DNAJC10: variants seen among roughly 807,000 people sequenced by gnomAD.
DNAJC10 encodes the protein DnaJ heat shock protein family (Hsp40) member C10, also known as endoplasmic reticulum disulfide reductase DNAJC10.
In DNAJC10, 101 loss-of-function variants were observed where a neutral mutation model predicts 115.0. The observed-to-expected ratio is 0.88, with a 90% CI of 0.75 to 1.04. DNAJC10 has a LOEUF of 1.04. DNAJC10 is among the 50% of genes least tolerant of loss of function. The probability of loss-of-function intolerance (pLI) is 0.00; values close to 1 mark genes in which losing one functional copy is unlikely to be tolerated. For synonymous variants in DNAJC10, 307 were observed against 301.5 expected (o/e 1.02, Z -0.19); for missense variants, 981 against 928.8 (o/e 1.06, Z -0.73).
chr2:182,762,807 T>C lies in DNAJC10; in HGVS notation c.2265+6T>C. On this transcript the variant is annotated splice_donor_region_variant and intron_variant, in intron 22 of 23. Coordinates refer to ENST00000264065, the MANE Select transcript of DNAJC10 (RefSeq NM_018981.4). Reference sequence around the variant, plus strand: ...ATTTCTACGAAAGAGCAAAGGTATGTCCAGACTTTCCTCTGTTCCTTCCCT... The same window carrying C: ...ATTTCTACGAAAGAGCAAAGGTATGCCCAGACTTTCCTCTGTTCCTTCCCT... 2 of 1,610,554 alleles carry C rather than the reference T, an allele frequency of 1.2e-6. No homozygotes were observed. Among genetic ancestry groups the C allele is most frequent in the Non-Finnish European group, 1.7e-6 (2 of 1,177,714 alleles).
chr2:182,718,316 T>C, intron 3 of DNAJC10, 26 bp downstream of exon 3: 1 of 1,518,740 alleles, frequency 6.6e-7, no homozygotes, highest in Non-Finnish European at 8.9e-7. Flanking sequence ...TTTTTAAAAA[T>C]ATTTGATTAT....
At chr2:182,747,368 G>C (rs921826750) in intron 14 of DNAJC10, among the ~76,000 whole-genome samples, 3 of 152,048 alleles carry the variant, frequency 2.0e-5, no homozygotes, top group African/African-American at 4.8e-5. Context: ...CATGAGCATG[G>C]AATGTTCTTC....
chr2:182,792,376 AT>A lies in DNAJC10; in HGVS notation c.*15245del, dbSNP rs1695067772. The A allele has an allele frequency of 6.6e-6, 1 of 152,140 alleles. No individual in the cohort carries two copies. Among genetic ancestry groups the A allele is most frequent in the Non-Finnish European group, 1.5e-5 (1 of 68,016 alleles). 9.4% of individuals were successfully genotyped at this position (152,140 alleles called of 1,614,324 possible). A position where few individuals can be genotyped will look rare whatever the true frequency, so the allele number is the denominator to read the frequency against. On this transcript the variant is annotated 3_prime_UTR_variant, in exon 24 of 24. Transcript: ENST00000264065. ...TGAGGTACAAAAAATAATGAAGAGG[AT>A]ATATTCCAATTTCTTTCCTTCCCCA...
chr2:182,771,119 C>T (rs976416955), intron 22 of DNAJC10, among the ~76,000 whole-genome samples: 68 of 151,980 alleles, frequency 4.5e-4, no homozygotes, highest in Non-Finnish European at 1.6e-4. Context: ...TATTGATTTG[C>T]ATATGTTGAA....
In DNAJC10 at chr2:182,786,262, A is replaced by C. The variant is rs1162423719; in HGVS notation, c.*9130A>C. Reference sequence around the variant, plus strand: ...AGAGGTAGAAAAGTTACAGGATAAAAATGGAATTGGTTGGCACTAAGTAGG... The same window carrying C: ...AGAGGTAGAAAAGTTACAGGATAAACATGGAATTGGTTGGCACTAAGTAGG... On this transcript the variant is annotated 3_prime_UTR_variant, in exon 24 of 24. Transcript: ENST00000264065. 1 of 152,194 alleles carries C rather than the reference A, an allele frequency of 6.6e-6. No homozygotes were observed. Among genetic ancestry groups the C allele is most frequent in the African/African-American group, 2.4e-5 (1 of 41,456 alleles). The allele number at this position is 152,194 out of a possible 1,614,324, so 9.4% of individuals were successfully genotyped here. A position where few individuals can be genotyped will look rare whatever the true frequency, so the allele number is the denominator to read the frequency against.
chr2:182,728,465 G>T, intron 5 of DNAJC10, 111 bp from the exon 6 acceptor site: 1 of 625,482 alleles, frequency 1.6e-6, no homozygotes, highest in South Asian at 2.6e-5. Context: ...AAGACAATAT[G>T]AAAATTGCAT....
chr2:182,770,096 G>A (rs898154960), intron 22 of DNAJC10, among the ~76,000 whole-genome samples: 1 of 152,084 alleles, frequency 6.6e-6, no homozygotes, highest in African/African-American at 2.4e-5. Flanking sequence ...GCTTGTTTTT[G>A]TCAGGTTTGT....
rs1382138064 is a variant in DNAJC10 at position 182,778,418 on chromosome 2, A to G, written c.*1286A>G. The G allele has an allele frequency of 6.6e-6, 1 of 152,202 alleles. No individual in the cohort carries two copies. The highest frequency in any genetic ancestry group is 1.9e-4 in the East Asian group (1 of 5,208). The allele number at this position is 152,202 out of a possible 1,614,324, so 9.4% of individuals were successfully genotyped here. Reference sequence around the variant, plus strand: ...AATCACAAATTTGTCAGTAACATGTAGTTGTTTAGTTATAATTCAGAGTGT... The same window carrying G: ...AATCACAAATTTGTCAGTAACATGTGGTTGTTTAGTTATAATTCAGAGTGT... On this transcript the variant is annotated 3_prime_UTR_variant, in exon 24 of 24. Transcript: ENST00000264065.
At chr2:182,730,618 T>C in intron 8 of DNAJC10, 2 of 438,758 alleles carry the variant, frequency 4.6e-6, no homozygotes, top group Non-Finnish European at 9.0e-6. Flanking sequence ...AGAAGTCATA[T>C]CCAATCTGTC....
At position 182,757,677 on chromosome 2, in the gene DNAJC10, T is replaced by G; in HGVS notation, c.1810-15T>G. The G allele has an allele frequency of 6.7e-7, 1 of 1,496,950 alleles. No individual in the cohort carries two copies. Among genetic ancestry groups the G allele is most frequent in the Non-Finnish European group, 8.9e-7 (1 of 1,123,670 alleles). 92.7% of individuals were successfully genotyped at this position (1,496,950 alleles called of 1,614,324 possible). On this transcript the variant is annotated splice_polypyrimidine_tract_variant and intron_variant, in intron 18 of 23. Transcript: ENST00000264065. ...TGTAAAAAGTTATGGAGGTAATCTG[T>G]TTTTTCTTTTACAGACATTAACTGG...
At chr2:182,762,346 G>A (rs1165286900) in intron 21 of DNAJC10, among the ~76,000 whole-genome samples, 3 of 152,022 alleles carry the variant, frequency 2.0e-5, no homozygotes, top group Non-Finnish European at 2.9e-5. Context: ...TCCTACCACA[G>A]CACACCCCCA....
At chr2:182,733,094 G>A (rs1342495390) in intron 10 of DNAJC10, among the ~76,000 whole-genome samples, 2 of 151,932 alleles carry the variant, frequency 1.3e-5, no homozygotes, top group Non-Finnish European at 2.9e-5. Context: ...TATTAATCAT[G>A]TTATTTGTTT....
At chr2:182,720,370 A>G (rs1029503191) in intron 4 of DNAJC10, among the ~76,000 whole-genome samples, 3 of 152,180 alleles carry the variant, frequency 2.0e-5, no homozygotes, top group African/African-American at 4.8e-5. Flanking sequence ...TATTGGTTAA[A>G]TCTTGTTAAA....
intron 11 of DNAJC10, chr2:182,739,449 A>G (rs1268770841): frequency 2.3e-6 from 2 of 885,530 alleles, no homozygotes; most frequent in East Asian, 8.7e-5. Flanking sequence ...TTAAACATAG[A>G]TGGTTCATAA....
At chr2:182,748,480 C>T (rs373021740) in intron 14 of DNAJC10, among the ~76,000 whole-genome samples, 2 of 152,238 alleles carry the variant, frequency 1.3e-5, no homozygotes, top group Admixed American at 6.5e-5. Flanking sequence ...AGTCGAGGAA[C>T]TTATCCATTT....
rs1329251365 is a variant in DNAJC10 at position 182,779,627 on chromosome 2, T to C, written c.*2495T>C. ...CATTAATGATGTTTGTCTATTCTGA[T>C]TTCTCAAATTTTATTTAGGTCTTTC... On this transcript the variant is annotated 3_prime_UTR_variant, in exon 24 of 24. Coordinates refer to ENST00000264065, the MANE Select transcript of DNAJC10 (RefSeq NM_018981.4). 1 of 152,208 alleles carries C rather than the reference T, an allele frequency of 6.6e-6. No homozygotes were observed. The highest frequency in any genetic ancestry group is 1.5e-5 in the Non-Finnish European group (1 of 68,038). 9.4% of individuals were successfully genotyped at this position (152,208 alleles called of 1,614,324 possible). A position where few individuals can be genotyped will look rare whatever the true frequency, so the allele number is the denominator to read the frequency against.
chr2:182,754,842 G>T, intron 16 of DNAJC10, 161 bp from the exon 17 acceptor site: 2 of 1,370,730 alleles, frequency 1.5e-6, no homozygotes, highest in Non-Finnish European at 1.9e-6. Context: ...ATCACCATAA[G>T]TCCTTTGCTA....
At position 182,722,090 on chromosome 2, in the gene DNAJC10, T is replaced by A; in HGVS notation, c.418+15T>A. The A allele has an allele frequency of 1.3e-6, 2 of 1,547,580 alleles. No homozygotes were observed. The highest frequency in any genetic ancestry group is 1.8e-6 in the Non-Finnish European group (2 of 1,140,950). On this transcript the variant is annotated intron_variant, in intron 5 of 23. Coordinates refer to ENST00000264065, the MANE Select transcript of DNAJC10 (RefSeq NM_018981.4). ...AAGAGAATTTGGTAAGTTTGTGGGC[T>A]TAAGGTTTTATAAAACTAATACAAG... is the stretch of plus-strand genomic sequence containing the variant.
At chr2:182,747,683 A>G (rs1187768135) in intron 14 of DNAJC10, among the ~76,000 whole-genome samples, 13 of 151,516 alleles carry the variant, frequency 8.6e-5, no homozygotes, top group South Asian at 4.2e-4. Flanking sequence ...AAACAGGGAC[A>G]ATTTGACTTC....
Sources: gnomAD v4.1 joint callset for allele counts (sites outside exome capture counted in the v4.1 genomes callset) on GRCh38, gnomAD v4.1.1 for gene constraint, MANE v1.5 for transcripts, NCBI Gene and HGNC (gene_info 2026-07-23, HGNC 2026-07-21) for gene names.